The following AGPAT4 variants were observed in gnomAD, a reference collection of about 807,000 sequenced individuals.
The protein encoded by AGPAT4 is 1-acylglycerol-3-phosphate O-acyltransferase 4, also known as 1-acyl-sn-glycerol-3-phosphate acyltransferase delta.
Under a neutral mutation model 48.0 loss-of-function variants are expected in AGPAT4, and 15 were observed. That is an observed-to-expected ratio of 0.31 (90% confidence interval 0.21 to 0.48). The LOEUF (loss-of-function observed/expected upper bound fraction) is 0.48, where lower values mean the gene tolerates loss of function less well. Among genes scored for constraint, AGPAT4 ranks in the 20% least tolerant of loss-of-function variants. AGPAT4 has a pLI of 0.99. For synonymous variants in AGPAT4, 178 were observed against 198.7 expected, an observed-to-expected ratio of 0.90 and a Z score of 0.88; for missense variants, 314 against 482.5, an observed-to-expected ratio of 0.65 and a Z score of 3.27.
chr6:161,141,772 T>G lies in AGPAT4; in HGVS notation c.844-2152A>C, dbSNP rs934367534. Among the ~76,000 whole-genome samples, 3 of 152,154 alleles carry G rather than the reference T, an allele frequency of 2.0e-5. No individual in the cohort carries two copies. Among genetic ancestry groups the G allele is most frequent in the Non-Finnish European group, 4.4e-5 (3 of 68,036 alleles). On this transcript the variant is annotated intron_variant, in intron 7 of 8. Coordinates refer to ENST00000320285, the MANE Select transcript of AGPAT4 (RefSeq NM_020133.3). The surrounding 1 kb of genome is among the most constrained non-coding windows in gnomAD (Gnocchi z 6.7). ...TTCTGTCTTGTTTCCAGAAAGACATTTGCTAGGCCAAGATTGTTTTATTTG... is the reference window on the plus strand; with the variant it reads ...TTCTGTCTTGTTTCCAGAAAGACATGTGCTAGGCCAAGATTGTTTTATTTG...
intron 2 of AGPAT4, among the ~76,000 whole-genome samples, chr6:161,175,678 G>A (rs1036216507): frequency 2.0e-5 from 3 of 152,100 alleles, no homozygotes; most frequent in African/African-American, 7.2e-5. Context: ...TCTTCTGCTA[G>A]TTTTTGAATG....
chr6:161,156,792 C>T (rs1399747404), intron 3 of AGPAT4, among the ~76,000 whole-genome samples: 1 of 152,246 alleles, frequency 6.6e-6, no homozygotes, highest in Non-Finnish European at 1.5e-5. Flanking sequence ...AACACCTAGC[C>T]TGCCCAGGGC....
rs1318980107 is a variant in AGPAT4, at chr6:161,138,086, C to G, written c.1042+1336G>C. Among the ~76,000 whole-genome samples, 2 of 152,202 alleles carry G rather than the reference C, an allele frequency of 1.3e-5. No individual in the cohort carries two copies. Among genetic ancestry groups the G allele is most frequent in the Admixed American group, 1.3e-4 (2 of 15,290 alleles). On this transcript the variant is annotated intron_variant, in intron 8 of 8. Transcript: ENST00000320285. This position sits in a 1 kb window ranked among gnomAD's most constrained non-coding sequence, Gnocchi z 4.8. ...CAGAAGGGTTGAGCTTGCCCCCGCC[C>G]TACCAGGGGCCCTGGCACCTGCAGC...
chr6:161,182,135 C>A (rs1347847319), intron 2 of AGPAT4, among the ~76,000 whole-genome samples: 1 of 152,046 alleles, frequency 6.6e-6, no homozygotes, highest in African/African-American at 2.4e-5. Context: ...GACACCAGTG[C>A]TCAGCACAGC....
At chr6:161,209,142 C>T (rs1019598683) in intron 2 of AGPAT4, among the ~76,000 whole-genome samples, 12 of 152,204 alleles carry the variant, frequency 7.9e-5, no homozygotes, top group African/African-American at 2.4e-4. Context: ...CATTCCTCAT[C>T]GAAGTGGAAC....
At chr6:161,227,389 G>A (rs1344193864) in intron 2 of AGPAT4, among the ~76,000 whole-genome samples, 1 of 152,228 alleles carries the variant, frequency 6.6e-6, no homozygotes, top group Non-Finnish European at 1.5e-5. Flanking sequence ...CCCCAACCCA[G>A]ATGGAAGACC....
Position 161,206,690 on chromosome 6 carries a change from T to C in AGPAT4, c.178+25346A>G, listed in dbSNP as rs527462743. ...CACAACTTGAAAGAGAAAAAGACAATTGACACATGCCAACCCTGGGATGAC... is the reference window on the plus strand; with the variant it reads ...CACAACTTGAAAGAGAAAAAGACAACTGACACATGCCAACCCTGGGATGAC... On this transcript the variant is annotated intron_variant, in intron 2 of 8. Transcript: ENST00000320285. The surrounding 1 kb of genome is among the most constrained non-coding windows in gnomAD (Gnocchi z 4.8). Among the ~76,000 whole-genome samples, 2 of 120,874 alleles carry C rather than the reference T, an allele frequency of 1.7e-5. No individual in the cohort carries two copies. Among genetic ancestry groups the C allele is most frequent in the African/African-American group, 3.8e-5 (1 of 26,616 alleles). The allele number at this position is 120,874 out of a possible 152,430, so 79.3% of individuals were successfully genotyped here.
rs182298887 is a variant in AGPAT4 at position 161,259,528 on chromosome 6, C to T, written c.-90+14410G>A. Among the ~76,000 whole-genome samples, 17 of 151,962 alleles carry T rather than the reference C, an allele frequency of 1.1e-4. No homozygotes were observed. Among genetic ancestry groups the T allele is most frequent in the East Asian group, 7.9e-4 (4 of 5,064 alleles). On this transcript the variant is annotated intron_variant, in intron 1 of 8. Coordinates refer to ENST00000320285, the MANE Select transcript of AGPAT4 (RefSeq NM_020133.3). The surrounding 1 kb of genome is among the most constrained non-coding windows in gnomAD (Gnocchi z 4.9). ...TCACACATGTGCCACACTACCAGCA[C>T]GTGTGAAAACTCACTAACTCTATAC... is the stretch of plus-strand genomic sequence containing the variant.
rs902092487 is a variant in AGPAT4, at chr6:161,259,199, G to A, written c.-90+14739C>T. ...ACCGTGAAATGATTAAATGAAGCTC[G>A]CTAACGTATCGATCACTTCCCATAC... On this transcript the variant is annotated intron_variant, in intron 1 of 8. Coordinates refer to ENST00000320285, the MANE Select transcript of AGPAT4 (RefSeq NM_020133.3). This position sits in a 1 kb window ranked among gnomAD's most constrained non-coding sequence, Gnocchi z 4.9. 3.3e-5 allele frequency among the ~76,000 whole-genome samples: 5 copies of A among 152,172 alleles called. No homozygotes were observed. Among genetic ancestry groups the A allele is most frequent in the Non-Finnish European group, 5.9e-5 (4 of 68,014 alleles).
In AGPAT4 at chr6:161,270,598, A is replaced by C. The variant is rs896077374; in HGVS notation, c.-90+3340T>G. Among the ~76,000 whole-genome samples the C allele has an allele frequency of 1.3e-5, 2 of 152,064 alleles. No homozygotes were observed. Among genetic ancestry groups the C allele is most frequent in the Non-Finnish European group, 2.9e-5 (2 of 68,008 alleles). On this transcript the variant is annotated intron_variant, in intron 1 of 8. Transcript: ENST00000320285. This position sits in a 1 kb window ranked among gnomAD's most constrained non-coding sequence, Gnocchi z 5.3. The stretch of plus-strand genomic sequence containing the variant: ...AGCCTGGCCAATACAGTGAAATTCT[A>C]TCTCTACTAAAAATACAAAAAAATA...
In AGPAT4 at chr6:161,231,916, A is replaced by T; in HGVS notation, c.178+120T>A. 9.5e-7 allele frequency: 1 copy of T among 1,055,802 alleles called. No homozygotes were observed. Among genetic ancestry groups the T allele is most frequent in the Non-Finnish European group, 1.3e-6 (1 of 769,866 alleles). The allele number at this position is 1,055,802 out of a possible 1,614,324, so 65.4% of individuals were successfully genotyped here. A position where few individuals can be genotyped will look rare whatever the true frequency, so the allele number is the denominator to read the frequency against. ...AATAGCCATTTCAAACCTAAAACAA[A>T]AACAAAACAAAAAAACAGCTCGGCA... On this transcript the variant is annotated intron_variant, in intron 2 of 8. Transcript: ENST00000320285. This position sits in a 1 kb window ranked among gnomAD's most constrained non-coding sequence, Gnocchi z 5.3.
At chr6:161,205,936 C>T (rs1196881572) in intron 2 of AGPAT4, among the ~76,000 whole-genome samples, 1 of 152,018 alleles carries the variant, frequency 6.6e-6, no homozygotes, top group African/African-American at 2.4e-5. Flanking sequence ...CTGGACACTA[C>T]ATATAAAATA....
At position 161,229,085 on chromosome 6, in the gene AGPAT4, G is replaced by A. The variant is rs144327142; in HGVS notation, c.178+2951C>T. Among the ~76,000 whole-genome samples, 5 of 151,824 alleles carry A rather than the reference G, an allele frequency of 3.3e-5. No individual in the cohort carries two copies. The highest frequency in any genetic ancestry group is 5.9e-5 in the Non-Finnish European group (4 of 67,990). ...GCCTTTTGCATGAGAGCTTTACCAC[G>A]CCAGGGCTGGTAACTGCTTTGAACT... On this transcript the variant is annotated intron_variant, in intron 2 of 8. Transcript: ENST00000320285. This position sits in a 1 kb window ranked among gnomAD's most constrained non-coding sequence, Gnocchi z 6.0.
Position 161,206,628 on chromosome 6 carries a change from T to C in AGPAT4, c.178+25408A>G, listed in dbSNP as rs1287504300. Among the ~76,000 whole-genome samples, 1 of 152,084 alleles carries C rather than the reference T, an allele frequency of 6.6e-6. No homozygotes were observed. The highest frequency in any genetic ancestry group is 2.4e-5 in the African/African-American group (1 of 41,402). On this transcript the variant is annotated intron_variant, in intron 2 of 8. Transcript: ENST00000320285. This position sits in a 1 kb window ranked among gnomAD's most constrained non-coding sequence, Gnocchi z 4.8. ...AATTCTCCAAATGTCCAAGATACAA[T>C]TGAAAAATCACTTGACATGCCAAGG...
chr6:161,185,381 C>G (rs201188138), intron 2 of AGPAT4, among the ~76,000 whole-genome samples: 6 of 151,184 alleles, frequency 4.0e-5, no homozygotes, highest in Admixed American at 3.3e-4. Context: ...GCCTTGACCC[C>G]CTGCGTTCAG....
chr6:161,171,543 T>C lies in AGPAT4; in HGVS notation c.179-5126A>G, dbSNP rs1780265793. The stretch of plus-strand genomic sequence containing the variant: ...AATGGCATTAACAAGGGCAAAGCCC[T>C]CATGACCTAATCACCTCTTAAAGGC... On this transcript the variant is annotated intron_variant, in intron 2 of 8. Transcript: ENST00000320285. This position sits in a 1 kb window ranked among gnomAD's most constrained non-coding sequence, Gnocchi z 4.4. Among the ~76,000 whole-genome samples the C allele has an allele frequency of 6.6e-6, 1 of 152,156 alleles. No individual in the cohort carries two copies. The highest frequency in any genetic ancestry group is 2.1e-4 in the South Asian group (1 of 4,834).
chr6:161,177,577 C>A lies in AGPAT4; in HGVS notation c.179-11160G>T, dbSNP rs927453553. ...TTTTTCAAGGTTTTTAGCTTCTTTG[C>A]GATTGGTTCAAACATCCTCCTTTAG... On this transcript the variant is annotated intron_variant, in intron 2 of 8. Transcript: ENST00000320285. The surrounding 1 kb of genome is among the most constrained non-coding windows in gnomAD (Gnocchi z 5.0). 6.6e-6 allele frequency among the ~76,000 whole-genome samples: 1 copy of A among 152,014 alleles called. No homozygotes were observed. The highest frequency in any genetic ancestry group is 2.1e-4 in the South Asian group (1 of 4,780).
rs890846952 is a variant in AGPAT4, at chr6:161,261,228, T to C, written c.-90+12710A>G. On this transcript the variant is annotated intron_variant, in intron 1 of 8. Transcript: ENST00000320285. This position sits in a 1 kb window ranked among gnomAD's most constrained non-coding sequence, Gnocchi z 5.3. ...CTCATGGCCCCTTCTCTATTAGCCA[T>C]GAAGCTCACTGTCACAGAATGTGGC... Among the ~76,000 whole-genome samples the C allele has an allele frequency of 6.6e-6, 1 of 152,218 alleles. No individual in the cohort carries two copies. The highest frequency in any genetic ancestry group is 6.5e-5 in the Admixed American group (1 of 15,280).
intron 2 of AGPAT4, among the ~76,000 whole-genome samples, chr6:161,205,814 A>G (rs564290169): frequency 6.6e-6 from 1 of 152,260 alleles, no homozygotes; most frequent in South Asian, 2.1e-4. Flanking sequence ...TCTTCTTTTC[A>G]GAGTTGTTTC....
Sources: allele counts gnomAD v4.1 joint callset (sites outside exome capture counted in the v4.1 genomes callset), GRCh38; gene constraint gnomAD v4.1.1; non-coding constraint Gnocchi (gnomAD v3.1); transcripts MANE v1.5; gene names NCBI Gene and HGNC (gene_info 2026-07-23, HGNC 2026-07-21).